The following TSHZ3 variants were observed in gnomAD, a reference collection of about 807,000 sequenced individuals.
TSHZ3 encodes the protein teashirt homolog 3.
In TSHZ3, 10 loss-of-function variants were observed where a neutral mutation model predicts 64.5. The ratio of observed to expected loss-of-function variants is 0.16; its 90% CI spans 0.10 to 0.26. The LOEUF is 0.26. Ranked by LOEUF, TSHZ3 falls within the 10% of genes least tolerant of loss-of-function variation. TSHZ3 has a pLI of 1.00. For synonymous variants in TSHZ3, 608 were observed against 593.1 expected, an observed-to-expected ratio of 1.03 and a Z score of -0.36; for missense variants, 1,242 against 1,421.7, an observed-to-expected ratio of 0.87 and a Z score of 2.03.
chr19:31,167,197 G>A (rs891500848), intron 5 of TSHZ3, among the ~76,000 whole-genome samples: 4 of 152,186 alleles, frequency 2.6e-5, no homozygotes, highest in Non-Finnish European at 4.4e-5. Context: ...GCTTGGTTCT[G>A]CTAAAGTAAT....
intron 1 of TSHZ3, among the ~76,000 whole-genome samples, chr19:31,254,190 C>A (rs903388270): frequency 6.6e-6 from 1 of 152,184 alleles, no homozygotes; most frequent in Admixed American, 6.5e-5. Context: ...TGGCAAATAC[C>A]CTGTGGTCTT....
At chr19:31,214,909 GAAAAAAAAAAAAAA>G (rs950173415) in intron 4 of TSHZ3, among the ~76,000 whole-genome samples, 2 of 41,856 alleles carry the variant, frequency 4.8e-5, no homozygotes, top group Non-Finnish European at 1.0e-4. Flanking sequence ...CTCTGTCTCA[GAAAAAAAAAAAAAA>G]AAAAAAAAAG....
At chr19:31,167,649 C>T (rs1230087628) in intron 5 of TSHZ3, 2 of 152,368 alleles carry the variant, frequency 1.3e-5, no homozygotes, top group East Asian at 3.9e-4. Context: ...AGCAAGCTCT[C>T]TTTCCAGAGC....
chr19:31,323,357 T>C (rs1406690584), intron 1 of TSHZ3, among the ~76,000 whole-genome samples: 2 of 152,182 alleles, frequency 1.3e-5, no homozygotes, highest in Non-Finnish European at 2.9e-5. Context: ...CCTTTAAAAA[T>C]CAGAAAGCAA....
chr19:31,184,706 T>C (rs1315673684), intron 5 of TSHZ3, among the ~76,000 whole-genome samples: 1 of 152,232 alleles, frequency 6.6e-6, no homozygotes, highest in Admixed American at 6.5e-5. Flanking sequence ...TTTGCTATTT[T>C]CCTGATTAGA....
chr19:31,214,047 A>G (rs969482586), intron 4 of TSHZ3, among the ~76,000 whole-genome samples: 2 of 152,250 alleles, frequency 1.3e-5, no homozygotes, highest in African/African-American at 4.8e-5. Flanking sequence ...ACTGCTAGAA[A>G]GGACGAGAGA....
In TSHZ3 at chr19:31,345,017, CCTAA is replaced by C. The variant is rs142768675; in HGVS notation, c.40+4159_40+4162del. On this transcript the variant is annotated intron_variant, in intron 1 of 1. Coordinates refer to ENST00000240587, the MANE Select transcript of TSHZ3 (RefSeq NM_020856.4). The stretch of plus-strand genomic sequence containing the variant: ...GTGTGGCCCTGGAGAGCACTGAAGC[CCTAA>C]CTGACAGCTGTCAAGATAATGGGGG... Among the ~76,000 whole-genome samples, 1,414 of 152,248 alleles carry C rather than the reference CCTAA, an allele frequency of 9.3e-3. 11 individuals carry two copies. The highest frequency in any genetic ancestry group is 0.017 in the Admixed American group (255 of 15,280).
At chr19:31,177,671 A>C (rs758049274) in intron 5 of TSHZ3, among the ~76,000 whole-genome samples, 1 of 152,248 alleles carries the variant, frequency 6.6e-6, no homozygotes, top group Admixed American at 6.5e-5. Flanking sequence ...TGTAACAGTC[A>C]TAAGTTCTGC....
intron 5 of TSHZ3, among the ~76,000 whole-genome samples, chr19:31,184,966 G>T (rs1290460217): frequency 6.6e-6 from 1 of 152,176 alleles, no homozygotes; most frequent in Non-Finnish European, 1.5e-5. Context: ...AAGGAAGATT[G>T]CTCAGTTACA....
intron 1 of TSHZ3, among the ~76,000 whole-genome samples, chr19:31,339,633 A>C (rs1160736725): frequency 6.6e-6 from 1 of 152,144 alleles, no homozygotes; most frequent in Non-Finnish European, 1.5e-5. Flanking sequence ...TCTGCTGAAA[A>C]GGAAATCGAC....
chr19:31,225,844 C>T (rs1479371956), intron 4 of TSHZ3, among the ~76,000 whole-genome samples: 1 of 152,098 alleles, frequency 6.6e-6, no homozygotes, highest in Non-Finnish European at 1.5e-5. Context: ...AGCGGTGTGT[C>T]AGCTGGGCAC....
chr19:31,187,422 G>A (rs970398344), intron 5 of TSHZ3, among the ~76,000 whole-genome samples: 3 of 151,368 alleles, frequency 2.0e-5, no homozygotes, highest in Non-Finnish European at 4.4e-5. Flanking sequence ...ATAAGCAGAA[G>A]CTTTTAATTT....
chr19:31,310,447 T>C (rs1916425897), intron 1 of TSHZ3, among the ~76,000 whole-genome samples: 1 of 152,140 alleles, frequency 6.6e-6, no homozygotes, highest in Non-Finnish European at 1.5e-5. Flanking sequence ...TCTGCAAGTA[T>C]CTGCTGCATG....
At chr19:31,164,907 T>C (rs1042290405) in intron 5 of TSHZ3, among the ~76,000 whole-genome samples, 3 of 152,222 alleles carry the variant, frequency 2.0e-5, no homozygotes, top group African/African-American at 7.2e-5. Context: ...ACAGACAGCC[T>C]TCTCACTTGC....
intron 1 of TSHZ3, among the ~76,000 whole-genome samples, chr19:31,320,082 T>A (rs1040816037): frequency 6.6e-6 from 1 of 152,230 alleles, no homozygotes; most frequent in Non-Finnish European, 1.5e-5. Flanking sequence ...TTTCTCGGGT[T>A]ACATCTGATC....
At chr19:31,295,699 A>G (rs1976648864) in intron 1 of TSHZ3, among the ~76,000 whole-genome samples, 1 of 152,052 alleles carries the variant, frequency 6.6e-6, no homozygotes, top group African/African-American at 2.4e-5. Flanking sequence ...AGGTGTGTTC[A>G]CCTGGGGAAA....
At chr19:31,208,274 C>G (rs1360482236) in intron 4 of TSHZ3, among the ~76,000 whole-genome samples, 1 of 152,186 alleles carries the variant, frequency 6.6e-6, no homozygotes, top group Non-Finnish European at 1.5e-5. Flanking sequence ...GGCCTCTAGA[C>G]TGAAGAAAGT....
chr19:31,180,492 C>G (rs997523562), intron 5 of TSHZ3, among the ~76,000 whole-genome samples: 12 of 152,164 alleles, frequency 7.9e-5, no homozygotes, highest in Middle Eastern at 3.2e-3. Context: ...TTCCACAAGC[C>G]CAAACTCTGA....
chr19:31,234,892 T>TCAG, intron 3 of TSHZ3, among the ~76,000 whole-genome samples: 1 of 152,336 alleles, frequency 6.6e-6, no homozygotes, highest in Middle Eastern at 3.4e-3. Context: ...TAGGAAGCAG[T>TCAG]CACGCCTATA....
Sources: allele counts gnomAD v4.1 joint callset (sites outside exome capture counted in the v4.1 genomes callset), GRCh38; gene constraint gnomAD v4.1.1; transcripts MANE v1.5; gene names NCBI Gene and HGNC (gene_info 2026-07-23, HGNC 2026-07-21).